KDM5C: variants seen among roughly 807,000 people sequenced by gnomAD.
The protein encoded by KDM5C is lysine-specific demethylase 5C.
A neutral mutation model predicts 110.6 loss-of-function variants in KDM5C; 16 were observed. That is an observed-to-expected ratio of 0.14 (90% CI 0.10 to 0.22). KDM5C has a LOEUF of 0.22. Among genes scored for constraint, KDM5C ranks in the 10% least tolerant of loss-of-function variants. The pLI is 1.00. For synonymous variants in KDM5C, 511 were observed against 520.4 expected (o/e 0.98, Z 0.24); for missense variants, 681 against 1,300.9 (o/e 0.52, Z 7.33).
intron 14 of KDM5C, among the ~76,000 whole-genome samples, chrX:53,199,712 C>T (rs2073082114): frequency 1.8e-5 from 2 of 112,131 alleles, no homozygotes; most frequent in African/African-American, 6.5e-5. Context: ...GTTTCCAAAC[C>T]TAATCCAATG....
chrX:53,199,616 TG>T (rs782612140), intron 14 of KDM5C, among the ~76,000 whole-genome samples: 46 of 111,928 alleles, frequency 4.1e-4, no homozygotes, highest in African/African-American at 1.4e-3. Flanking sequence ...GAGATACTTG[TG>T]CACATATATA....
intron 1 of KDM5C, among the ~76,000 whole-genome samples, chrX:53,224,298 T>C (rs1381572530): frequency 8.9e-6 from 1 of 112,060 alleles, no homozygotes; most frequent in Non-Finnish European, 1.9e-5. Context: ...AAAGTGGAGT[T>C]TTGAACTCAA....
Position 53,217,251 on chromosome X carries a change from A to G in KDM5C, c.549T>C (p.Asn183=). 2 of 1,210,918 alleles carry G rather than the reference A, an allele frequency of 1.7e-6. No homozygotes were observed. The highest frequency in any genetic ancestry group is 2.2e-6 in the Non-Finnish European group (2 of 895,161). The change falls in exon 5 of 26, where the codon AAT becomes AAC. Residue 183 remains asparagine, a synonymous_variant. Transcript: ENST00000375401. The part of the protein sequence containing the change: ...LVQCNTRPFD[N]EEKDKEYKPH... ...GTTTGTATTCCTTGTCCTTCTCCTC[A>G]TTATCAAATGGACGTGTGTTACACT...
chrX:53,186,741 C>T (rs1372148375), downstream of KDM5C, among the ~76,000 whole-genome samples: 3 of 112,304 alleles, frequency 2.7e-5, no homozygotes, highest in East Asian at 2.8e-4. Flanking sequence ...TAGGGTTGAT[C>T]CTGAAGGACA....
chrX:53,180,258 G>A (rs782509708), intron 25 of KDM5C, among the ~76,000 whole-genome samples: 1 of 111,516 alleles, frequency 9.0e-6, no homozygotes, highest in Non-Finnish European at 1.9e-5. Context: ...AAAAATCAGA[G>A]GTTGCTAGGA....
chrX:53,211,964 C>A, intron 8 of KDM5C, 58 bp from the exon 9 acceptor site: 1 of 1,186,431 alleles, frequency 8.4e-7, no homozygotes. Context: ...AAGAATCCTC[C>A]CAAGTGGAAC....
In KDM5C at chrX:53,195,375, C is replaced by T. The variant is rs782808782; in HGVS notation, c.3156G>A (p.Glu1052=). 8.3e-7 allele frequency: 1 copy of T among 1,207,827 alleles called. No individual in the cohort carries two copies. The highest frequency in any genetic ancestry group is 3.0e-5 in the East Asian group (1 of 33,673). The change falls in exon 21 of 26, where the codon GAG becomes GAA. Residue 1052 remains glutamate, a synonymous_variant. Coordinates refer to ENST00000375401, the MANE Select transcript of KDM5C (RefSeq NM_004187.5). ...GGTCCCGGCCCACAGCTACTAGGCC[C>T]TCCAAGTCATCCAGGCAGGGGTAGT... The part of the protein sequence containing the change: ...GDHYPCLDDL[E]GLVAVGRDLP...
At chrX:53,208,904 C>G (rs1257069506) in intron 12 of KDM5C, among the ~76,000 whole-genome samples, 2 of 102,746 alleles carry the variant, frequency 1.9e-5, no homozygotes, top group African/African-American at 7.1e-5. Flanking sequence ...CAACCTCTGC[C>G]TCCCGGGTTC....
intron 25 of KDM5C, among the ~76,000 whole-genome samples, chrX:53,180,956 C>T (rs1556825751): frequency 9.4e-6 from 1 of 106,131 alleles, no homozygotes; most frequent in African/African-American, 3.4e-5. Flanking sequence ...TCTCGATCTC[C>T]TGACCTCGTG....
intron 7 of KDM5C, chrX:53,215,138 T>C (rs1253394140): frequency 1.3e-5 from 6 of 451,787 alleles, no homozygotes; most frequent in South Asian, 2.5e-5. Flanking sequence ...TACAGTACTC[T>C]AGAGACATGT....
At chrX:53,212,334 C>G (rs2073591126) in intron 8 of KDM5C, 1 of 160,555 alleles carries the variant, frequency 6.2e-6, no homozygotes, top group African/African-American at 3.7e-5. Context: ...GAGACGGAGT[C>G]TTGCTCTGTC....
rs782008479 is a variant in KDM5C at position 53,192,942 on chromosome X, G to T, written c.*25C>A. On this transcript the variant is annotated 3_prime_UTR_variant, in exon 26 of 26. Coordinates refer to ENST00000375401, the MANE Select transcript of KDM5C (RefSeq NM_004187.5). ...TTGAGGCCGAGGGGGGTCTCTGTCA[G>T]GGTCTGTGCTAGGCTCAGCCACTGT... 8.8e-7 allele frequency: 1 copy of T among 1,136,109 alleles called. No homozygotes were observed. The highest frequency in any genetic ancestry group is 1.2e-6 in the Non-Finnish European group (1 of 862,096). The allele number at this position is 1,136,109 out of a possible 1,213,427, so 93.6% of individuals were successfully genotyped here. A position where few individuals can be genotyped will look rare whatever the true frequency, so the allele number is the denominator to read the frequency against.
intron 20 of KDM5C, 114 bp downstream of exon 20, chrX:53,195,802 C>G (rs1934798468): frequency 1.2e-6 from 1 of 816,794 alleles, no homozygotes; most frequent in African/African-American, 2.0e-5. Flanking sequence ...TGCCATGCCC[C>G]CTTCCTCTCT....
In KDM5C at chrX:53,197,182, T is replaced by C. The variant is rs1172805859; in HGVS notation, c.2623-138A>G. Reference sequence around the variant, plus strand: ...AAGGAGCCTAACATGGGCTGAGCTCTCCTTCTCCAAGCCCTAAGACAGTTG... The same window carrying C: ...AAGGAGCCTAACATGGGCTGAGCTCCCCTTCTCCAAGCCCTAAGACAGTTG... On this transcript the variant is annotated intron_variant, in intron 18 of 25. Transcript: ENST00000375401. The C allele has an allele frequency of 8.0e-6, 4 of 497,511 alleles. No individual in the cohort carries two copies. The Admixed American group carries it at 1.2e-4, about 15-fold the overall frequency. The allele number at this position is 497,511 out of a possible 1,213,427, so 41.0% of individuals were successfully genotyped here. A position where few individuals can be genotyped will look rare whatever the true frequency, so the allele number is the denominator to read the frequency against.
At chrX:53,223,512 T>C (rs901668328) in intron 1 of KDM5C, among the ~76,000 whole-genome samples, 1 of 111,538 alleles carries the variant, frequency 9.0e-6, no homozygotes, top group Admixed American at 9.5e-5. Flanking sequence ...CAGGTGGGAA[T>C]GAAGCTTCCT....
chrX:53,208,006 CTTACA>C (rs1353094628), intron 12 of KDM5C, among the ~76,000 whole-genome samples: 41 of 103,018 alleles, frequency 4.0e-4, no homozygotes, highest in African/African-American at 1.4e-3. Context: ...GAAAATAATA[CTTACA>C]TTACATATCT....
chrX:53,197,749 T>A (rs377021115), intron 18 of KDM5C, 22 bp downstream of exon 18: 2 of 1,147,073 alleles, frequency 1.7e-6, no homozygotes, highest in African/African-American at 1.8e-5. Context: ...TGATCCCTCA[T>A]CAGCACTCCA....
At chrX:53,224,668 C>T in intron 1 of KDM5C, 72 bp downstream of exon 1, 1 of 1,168,317 alleles carries the variant, frequency 8.6e-7, no homozygotes, top group African/African-American at 1.7e-5. Flanking sequence ...CCCTCCGCCC[C>T]AGACTTCGCC....
At chrX:53,217,724 T>A in intron 4 of KDM5C, 72 bp downstream of exon 4, 1 of 1,117,838 alleles carries the variant, frequency 8.9e-7, no homozygotes, top group Non-Finnish European at 1.2e-6. Context: ...CTAAACCAGT[T>A]TCATTAAGAG....
Sources: allele counts gnomAD v4.1 joint callset (sites outside exome capture counted in the v4.1 genomes callset), GRCh38; gene constraint gnomAD v4.1.1; transcripts MANE v1.5; gene names NCBI Gene and HGNC (gene_info 2026-07-23, HGNC 2026-07-21).